Variants in ZNF605 observed in about 807,000 individuals in gnomAD.
ZNF605 encodes the protein zinc finger protein 605.
A neutral mutation model predicts 7.9 loss-of-function variants in ZNF605; 9 were observed. That is an observed-to-expected ratio of 1.14 (90% CI 0.68 to 1.98). The LOEUF (loss-of-function observed/expected upper bound fraction) is 1.98. Ranked by LOEUF, ZNF605 falls within the 30% of genes most tolerant of loss-of-function variation. The pLI is 0.00. For synonymous variants in ZNF605, 255 were observed against 260.1 expected, an observed-to-expected ratio of 0.98 and a Z score of 0.19; for missense variants, 673 against 762.4, an observed-to-expected ratio of 0.88 and a Z score of 1.38.
intron 1 of ZNF605, among the ~76,000 whole-genome samples, chr12:132,950,455 G>GCA (rs1313919519): frequency 4.5e-5 from 6 of 134,826 alleles, no homozygotes; most frequent in African/African-American, 2.2e-4. Context: ...GTGCACAGAC[G>GCA]CACATACAGA....
At chr12:132,955,102 G>A (rs929376972) in intron 1 of ZNF605, among the ~76,000 whole-genome samples, 1 of 152,126 alleles carries the variant, frequency 6.6e-6, no homozygotes, top group Non-Finnish European at 1.5e-5. Flanking sequence ...ATTGGAAGTG[G>A]GGAAAAAAAG....
chr12:132,921,083 TC>T lies in ZNF605; in HGVS notation c.*4289del, dbSNP rs1346665018. 1.3e-5 allele frequency: 2 copies of T among 152,214 alleles called. No homozygotes were observed. The highest frequency in any genetic ancestry group is 2.9e-5 in the Non-Finnish European group (2 of 68,062). The allele number at this position is 152,214 out of a possible 1,614,324, so 9.4% of individuals were successfully genotyped here. ...CTCAGGTGATCCACCCACCTCGGCCTCCCAAAGTGCTGGGATTACAGGCTTG... is the reference window on the plus strand; with the variant it reads ...CTCAGGTGATCCACCCACCTCGGCCTCCAAAGTGCTGGGATTACAGGCTTG... On this transcript the variant is annotated 3_prime_UTR_variant, in exon 5 of 5. Coordinates refer to ENST00000360187, the MANE Select transcript of ZNF605 (RefSeq NM_183238.4).
chr12:132,954,524 ATCAGGTGCCCAAG>A (rs2137172685), intron 1 of ZNF605, among the ~76,000 whole-genome samples: 1 of 94,800 alleles, frequency 1.1e-5, no homozygotes, highest in South Asian at 3.9e-4. Flanking sequence ...CACTCACTTC[ATCAGGTGCCCAAG>A]TCAGGCGCTC....
At chr12:132,927,215 T>TAAGCATAA in intron 4 of ZNF605, 53 bp from the exon 5 acceptor site, 2 of 1,308,330 alleles carry the variant, frequency 1.5e-6, no homozygotes, top group Non-Finnish European at 1.0e-6. Flanking sequence ...ATTATTATGC[T>TAAGCATAA]TATTGCATAA....
chr12:132,948,616 T>G (rs1251491397), intron 1 of ZNF605: 25 of 152,256 alleles, frequency 1.6e-4, no homozygotes, highest in Admixed American at 1.6e-3. Flanking sequence ...TTTGTGTGTC[T>G]TCACTGTCCC....
Position 132,925,013 on chromosome 12 carries a change from A to G in ZNF605, c.*360T>C, listed in dbSNP as rs1313792283. ...TGTACAGTGAGTTGTCCTTTCTTGA[A>G]ATCTTCCACTTTGTTATAAAAAACA... On this transcript the variant is annotated 3_prime_UTR_variant, in exon 5 of 5. Coordinates refer to ENST00000360187, the MANE Select transcript of ZNF605 (RefSeq NM_183238.4). The G allele has an allele frequency of 2.2e-5, 4 of 181,568 alleles. No individual in the cohort carries two copies. The highest frequency in any genetic ancestry group is 3.4e-5 in the Non-Finnish European group (3 of 87,648). 11.2% of individuals were successfully genotyped at this position (181,568 alleles called of 1,614,324 possible).
rs1355680506 is a variant in ZNF605 at position 132,922,328 on chromosome 12, C to G, written c.*3045G>C. ...AAAGACTTCATAAGTCTTTCTATTA[C>G]TGAAGAGGAGCTTAGTAATAACTGC... is the stretch of plus-strand genomic sequence containing the variant. On this transcript the variant is annotated 3_prime_UTR_variant, in exon 5 of 5. Coordinates refer to ENST00000360187, the MANE Select transcript of ZNF605 (RefSeq NM_183238.4). The G allele has an allele frequency of 6.6e-6, 1 of 152,204 alleles. No homozygotes were observed. Among genetic ancestry groups the G allele is most frequent in the Non-Finnish European group, 1.5e-5 (1 of 68,038 alleles). 9.4% of individuals were successfully genotyped at this position (152,204 alleles called of 1,614,324 possible).
At chr12:132,927,275 A>T (rs1201174506) in intron 4 of ZNF605, 113 bp from the exon 5 acceptor site, 2 of 685,212 alleles carry the variant, frequency 2.9e-6, no homozygotes, top group Non-Finnish European at 2.2e-6. Context: ...CCCTCAAATA[A>T]TGTGTACTTA....
chr12:132,937,594 G>T (rs930166991), intron 3 of ZNF605, among the ~76,000 whole-genome samples: 1 of 152,088 alleles, frequency 6.6e-6, no homozygotes, highest in Admixed American at 6.5e-5. Flanking sequence ...ATTGTGGTGG[G>T]AATGTAAAAT....
intron 1 of ZNF605, among the ~76,000 whole-genome samples, chr12:132,953,512 T>C (rs1056294003): frequency 7.9e-5 from 12 of 152,162 alleles, no homozygotes; most frequent in South Asian, 4.1e-4. Flanking sequence ...CTGCAACCTC[T>C]GCCTCCTGGG....
At chr12:132,954,494 C>G (rs1184430599) in intron 1 of ZNF605, among the ~76,000 whole-genome samples, 12 of 51,564 alleles carry the variant, frequency 2.3e-4, no homozygotes, top group African/African-American at 5.1e-4. Flanking sequence ...TGTCCTGGGA[C>G]GAACACACTG....
rs867753732 is a variant in ZNF605 at position 132,941,873 on chromosome 12, C to T, written c.15+3748G>A. Among the ~76,000 whole-genome samples, 934 of 152,320 alleles carry T rather than the reference C, an allele frequency of 6.1e-3. 10 individuals are homozygous for T. Among genetic ancestry groups the T allele is most frequent in the African/African-American group, 0.022 (903 of 41,566 alleles). On this transcript the variant is annotated intron_variant, in intron 3 of 4. Transcript: ENST00000360187. This position sits in a 1 kb window ranked among gnomAD's most constrained non-coding sequence, Gnocchi z 5.1. ...TTCTTCTCCAGGCTGCCCTCCATCA[C>T]GCACTCTTCTTCTCCAGTTACAGAC... is the stretch of plus-strand genomic sequence containing the variant.
intron 1 of ZNF605, 154 bp from the exon 2 acceptor site, chr12:132,948,424 C>G (rs74832454): frequency 6.6e-6 from 1 of 152,230 alleles, no homozygotes; most frequent in Non-Finnish European, 1.5e-5. Flanking sequence ...GAATGGTTGT[C>G]GAGCAGCTCT....
chr12:132,953,019 C>A (rs1038877895), intron 1 of ZNF605, among the ~76,000 whole-genome samples: 2 of 152,170 alleles, frequency 1.3e-5, no homozygotes, highest in African/African-American at 4.8e-5. Context: ...CCCCTGCCAA[C>A]CTCCAGCATC....
chr12:132,938,867 G>T lies in ZNF605; in HGVS notation c.16-5712C>A, dbSNP rs1952397384. ...TCGGAGCAGCCAGCCAGCCCTGCTG[G>T]CCCCGGGCAATGGGGGACTTAGCAC... On this transcript the variant is annotated intron_variant, in intron 3 of 4. Transcript: ENST00000360187. 1.3e-5 allele frequency among the ~76,000 whole-genome samples: 2 copies of T among 152,158 alleles called. 1 individual carries two copies. Among genetic ancestry groups the T allele is most frequent in the South Asian group, 4.2e-4 (2 of 4,806 alleles).
At chr12:132,949,531 T>C (rs1952535290) in intron 1 of ZNF605, among the ~76,000 whole-genome samples, 1 of 152,108 alleles carries the variant, frequency 6.6e-6, no homozygotes, top group East Asian at 1.9e-4. Context: ...CCACCGGACT[T>C]TGGGTACCCT....
At chr12:132,937,231 C>T (rs1173826025) in intron 3 of ZNF605, among the ~76,000 whole-genome samples, 3 of 151,840 alleles carry the variant, frequency 2.0e-5, no homozygotes, top group African/African-American at 7.3e-5. Flanking sequence ...TGGTGACACG[C>T]ACCTGTAATC....
At chr12:132,954,363 AGC>A (rs1301123234) in intron 1 of ZNF605, among the ~76,000 whole-genome samples, 15 of 80,940 alleles carry the variant, frequency 1.9e-4, no homozygotes, top group Middle Eastern at 4.9e-3. Context: ...AAGGGTGGGG[AGC>A]GGGGGAGAAG....
At position 132,921,916 on chromosome 12, in the gene ZNF605, G is replaced by C. The variant is rs960500109; in HGVS notation, c.*3457C>G. On this transcript the variant is annotated 3_prime_UTR_variant, in exon 5 of 5. Transcript: ENST00000360187. ...CTTTGGCAGTCGACTTCAACTTAAT[G>C]CATTAGCGCCGTAAGGTTGTAAGAG... is the stretch of plus-strand genomic sequence containing the variant. The C allele has an allele frequency of 2.0e-5, 3 of 152,206 alleles. No individual in the cohort carries two copies. Among genetic ancestry groups the C allele is most frequent in the Non-Finnish European group, 2.9e-5 (2 of 68,044 alleles). 9.4% of individuals were successfully genotyped at this position (152,206 alleles called of 1,614,324 possible).
Sources: gnomAD v4.1 joint callset for allele counts (sites outside exome capture counted in the v4.1 genomes callset) on GRCh38, gnomAD v4.1.1 for gene constraint, Gnocchi (gnomAD v3.1) non-coding constraint, MANE v1.5 for transcripts, NCBI Gene and HGNC (gene_info 2026-07-23, HGNC 2026-07-21) for gene names.